The following TG variants were observed in gnomAD, a reference collection of about 807,000 sequenced individuals.
TG encodes the protein thyroid hormones.
TG carries 270 observed loss-of-function variants against 324.7 expected under a neutral mutation model. The observed-to-expected ratio is 0.83, with a 90% confidence interval of 0.75 to 0.92. The LOEUF (loss-of-function observed/expected upper bound fraction) is 0.92, where lower values mean the gene tolerates loss of function less well. TG is among the 40% of genes least tolerant of loss of function. The pLI is 0.00. For synonymous variants in TG, 1,401 were observed against 1,327.0 expected (o/e 1.06, Z -1.21); for missense variants, 3,591 against 3,456.4 (o/e 1.04, Z -0.98).
chr8:132,961,016 C>A lies in TG; in HGVS notation c.5410C>A (p.Pro1804Thr). 1.2e-6 allele frequency: 2 copies of A among 1,614,028 alleles called. No individual in the cohort carries two copies. The highest frequency in any genetic ancestry group is 1.7e-6 in the Non-Finnish European group (2 of 1,179,916). ...AACATCTTCCTTTGCAGGTCTGACACCCTTAGAAGGAACTCAAGACACCTT... is the reference window on the plus strand; with the variant it reads ...AACATCTTCCTTTGCAGGTCTGACAACCTTAGAAGGAACTCAAGACACCTT... The part of the protein sequence containing the change: ...GDQEFIKSLT[P>T]LEGTQDTFTN... The change falls in exon 28 of 48, where the codon CCC becomes ACC. Residue 1804 changes from proline to threonine, a missense_variant. Transcript: ENST00000220616.
intron 41 of TG, among the ~76,000 whole-genome samples, chr8:133,055,809 T>G: frequency 6.7e-6 from 1 of 150,214 alleles, no homozygotes. Context: ...ATTCCCTTCC[T>G]CCCCCTCCTC....
chr8:133,021,412 A>G (rs1458919792), intron 39 of TG, among the ~76,000 whole-genome samples: 1 of 152,230 alleles, frequency 6.6e-6, no homozygotes, highest in Non-Finnish European at 1.5e-5. Flanking sequence ...CCAGGTCTGC[A>G]GGGAGCAGCC....
chr8:132,881,915 G>A lies in TG; in HGVS notation c.691G>A (p.Val231Ile), dbSNP rs775927514. Reference sequence around the variant, plus strand: ...TTCCTTCCAGAGGAGGTTCCCTGAGGTATCTGGGTATTGCCACTGTGCTGA... The same window carrying A: ...TTCCTTCCAGAGGAGGTTCCCTGAGATATCTGGGTATTGCCACTGTGCTGA... ...FSSFQRRFPE[V>I]SGYCHCADSQ... Residue 231 changes from valine (V) to isoleucine (I), a missense_variant, in exon 6 of 48, where the codon GTA (valine) becomes ATA (isoleucine). Val to Ile is a conservative substitution (Grantham distance 29). Transcript: ENST00000220616. 6.2e-7 allele frequency: 1 copy of A among 1,614,060 alleles called. No individual in the cohort carries two copies. The highest frequency in any genetic ancestry group is 1.1e-5 in the South Asian group (1 of 91,086).
intron 34 of TG, among the ~76,000 whole-genome samples, chr8:132,976,420 A>G (rs1830181040): frequency 6.6e-6 from 1 of 152,184 alleles, no homozygotes; most frequent in Admixed American, 6.5e-5. Context: ...ACCTCTCATT[A>G]CTGTTGCAAT....
chr8:132,993,393 A>C (rs1468230709), intron 35 of TG, among the ~76,000 whole-genome samples: 1 of 152,202 alleles, frequency 6.6e-6, no homozygotes, highest in Non-Finnish European at 1.5e-5. Context: ...CAGTTTAAAG[A>C]ATCTTTCTGC....
Position 132,913,272 on chromosome 8 carries a change from C to T in TG, c.4378+7C>T. 6.2e-7 allele frequency: 1 copy of T among 1,613,322 alleles called. No individual in the cohort carries two copies. The highest frequency in any genetic ancestry group is 8.5e-7 in the Non-Finnish European group (1 of 1,179,690). ...CAGGACGGACTGGGATGCGGTAGGTCCACTCTCTCCCTGGATATCTCCTGT... is the reference window on the plus strand; with the variant it reads ...CAGGACGGACTGGGATGCGGTAGGTTCACTCTCTCCCTGGATATCTCCTGT... On this transcript the variant is annotated splice_region_variant and intron_variant, in intron 20 of 47. Transcript: ENST00000220616.
chr8:132,923,189 A>T lies in TG; in HGVS notation c.4529-149A>T, dbSNP rs1033115041. The stretch of plus-strand genomic sequence containing the variant: ...AAATCACAGGGGCCTTATTGATCAG[A>T]ACAGTGGGAACACTGAAGAGTTTTA... On this transcript the variant is annotated intron_variant, in intron 21 of 47. Transcript: ENST00000220616. The T allele has an allele frequency of 6.6e-6, 6 of 910,126 alleles. No homozygotes were observed. The African/African-American group carries it at 8.2e-5, about 12-fold the overall frequency. 56.4% of individuals were successfully genotyped at this position (910,126 alleles called of 1,614,324 possible).
chr8:132,886,425 C>T, intron 8 of TG, 23 bp from the exon 9 acceptor site: 2 of 1,614,022 alleles, frequency 1.2e-6, no homozygotes, highest in Non-Finnish European at 1.7e-6. Context: ...ACCTTTTCTC[C>T]CATTTCACTT....
chr8:133,066,698 C>T (rs1277735664), intron 41 of TG, among the ~76,000 whole-genome samples: 1 of 152,178 alleles, frequency 6.6e-6, no homozygotes, highest in Non-Finnish European at 1.5e-5. Context: ...GGCTGTGTAT[C>T]GCTGGGCAAG....
chr8:133,092,563 G>T (rs977843857), intron 41 of TG, among the ~76,000 whole-genome samples: 1 of 152,150 alleles, frequency 6.6e-6, no homozygotes, highest in Non-Finnish European at 1.5e-5. Flanking sequence ...CAGAGGACAC[G>T]CTTCTTCACC....
chr8:133,022,334 G>A (rs1296550477), intron 40 of TG, among the ~76,000 whole-genome samples, 184 bp downstream of exon 40: 1 of 152,174 alleles, frequency 6.6e-6, no homozygotes, highest in African/African-American at 2.4e-5. Flanking sequence ...GATGATAGTT[G>A]CCATTTATTG....
intron 27 of TG, among the ~76,000 whole-genome samples, chr8:132,953,519 G>A (rs1380421160): frequency 1.3e-5 from 2 of 152,184 alleles, no homozygotes; most frequent in South Asian, 2.1e-4. Flanking sequence ...ATCCTTTTCT[G>A]TTTGGTAAAA....
intron 41 of TG, among the ~76,000 whole-genome samples, chr8:133,045,741 A>G (rs1321965833): frequency 6.6e-6 from 1 of 152,050 alleles, no homozygotes; most frequent in Admixed American, 6.5e-5. Flanking sequence ...GTGCTTCCAC[A>G]TCCTGAGGCC....
At chr8:133,131,475 A>G (rs188801192) in intron 45 of TG, among the ~76,000 whole-genome samples, 78 of 152,354 alleles carry the variant, frequency 5.1e-4, no homozygotes, top group Admixed American at 9.1e-4. Flanking sequence ...AAGAACACCA[A>G]TATCCAGTGA....
intron 36 of TG, among the ~76,000 whole-genome samples, chr8:133,012,625 T>C (rs1834620981): frequency 6.6e-6 from 1 of 152,198 alleles, no homozygotes; most frequent in African/African-American, 2.4e-5. Flanking sequence ...TCAGATAACA[T>C]TTATACCCTT....
At chr8:133,095,305 A>C in intron 42 of TG, 97 bp downstream of exon 42, 7 of 1,547,862 alleles carry the variant, frequency 4.5e-6, no homozygotes, top group Middle Eastern at 3.8e-4. Context: ...CCCCAGCCAT[A>C]CCACACATGA....
intron 47 of TG, among the ~76,000 whole-genome samples, chr8:133,133,963 C>A (rs755504057): frequency 6.6e-6 from 1 of 152,146 alleles, no homozygotes; most frequent in African/African-American, 2.4e-5. Flanking sequence ...CAGCCTAGAA[C>A]GTTGGTATGG....
chr8:133,023,870 C>T (rs1367562841), intron 40 of TG, among the ~76,000 whole-genome samples: 1 of 152,194 alleles, frequency 6.6e-6, no homozygotes, highest in Non-Finnish European at 1.5e-5. Flanking sequence ...TGGCTGCCGG[C>T]AGGGGCAGCC....
At chr8:132,927,913 G>A (rs1473191086) in intron 22 of TG, among the ~76,000 whole-genome samples, 1 of 152,168 alleles carries the variant, frequency 6.6e-6, no homozygotes, top group South Asian at 2.1e-4. Flanking sequence ...AAAGAGATGA[G>A]AGAAGAAGGG....
Sources: gnomAD v4.1 joint callset for allele counts (sites outside exome capture counted in the v4.1 genomes callset) on GRCh38, gnomAD v4.1.1 for gene constraint, MANE v1.5 for transcripts, NCBI Gene and HGNC (gene_info 2026-07-23, HGNC 2026-07-21) for gene names.